Variants in RERE observed in about 807,000 individuals in gnomAD.
RERE encodes the protein arginine-glutamic acid dipeptide repeats, also known as arginine-glutamic acid dipeptide repeats protein.
A neutral mutation model predicts 146.1 loss-of-function variants in RERE; 40 were observed. The observed-to-expected ratio is 0.27, with a 90% CI of 0.21 to 0.36. RERE has a LOEUF of 0.36. Ranked by LOEUF, RERE falls within the 10% of genes least tolerant of loss-of-function variation. RERE has a pLI of 1.00. For missense variants in RERE, 1,933 were observed against 2,138.7 expected, an observed-to-expected ratio of 0.90 and a Z score of 1.90; for synonymous variants, 1,003 against 866.0, an observed-to-expected ratio of 1.16 and a Z score of -2.78.
rs989129422 is a variant in RERE, at chr1:8,354,726, G to A, written c.*361C>T. 3 of 215,850 alleles carry A rather than the reference G, an allele frequency of 1.4e-5. No homozygotes were observed. Among genetic ancestry groups the A allele is most frequent in the South Asian group, 1.5e-4 (1 of 6,548 alleles). The allele number at this position is 215,850 out of a possible 1,614,324, so 13.4% of individuals were successfully genotyped here. A position where few individuals can be genotyped will look rare whatever the true frequency, so the allele number is the denominator to read the frequency against. ...AGCACTCGTGGCGGAGTGTGTCAGTGTGTCTGCACGCACAGTGAAGGGTGT... is the reference window on the plus strand; with the variant it reads ...AGCACTCGTGGCGGAGTGTGTCAGTATGTCTGCACGCACAGTGAAGGGTGT... On this transcript the variant is annotated 3_prime_UTR_variant, in exon 23 of 23. Coordinates refer to ENST00000400908, the MANE Select transcript of RERE (RefSeq NM_001042681.2).
intron 1 of RERE, among the ~76,000 whole-genome samples, chr1:8,724,402 T>C (rs1639918464): frequency 6.6e-6 from 1 of 152,204 alleles, no homozygotes; most frequent in Admixed American, 6.5e-5. Context: ...TGAGTAATAC[T>C]GTCTATATCA....
intron 1 of RERE, among the ~76,000 whole-genome samples, chr1:8,791,447 T>C (rs1641362029): frequency 6.6e-6 from 1 of 152,238 alleles, no homozygotes; most frequent in Non-Finnish European, 1.5e-5. Flanking sequence ...CCTAGCATTA[T>C]ATCTTGCAAG....
intron 1 of RERE, among the ~76,000 whole-genome samples, chr1:8,710,556 T>A (rs1324625223): frequency 2.0e-5 from 3 of 152,220 alleles, no homozygotes. Flanking sequence ...TCTCGCTGTG[T>A]CACCCAGGCT....
At chr1:8,555,343 C>A (rs906891800) in intron 6 of RERE, among the ~76,000 whole-genome samples, 2 of 152,192 alleles carry the variant, frequency 1.3e-5, no homozygotes, top group Admixed American at 1.3e-4. Flanking sequence ...TGCTTTTATG[C>A]CACAATGGCT....
chr1:8,488,969 G>A (rs1402965077), intron 10 of RERE, among the ~76,000 whole-genome samples: 1 of 152,098 alleles, frequency 6.6e-6, no homozygotes, highest in Non-Finnish European at 1.5e-5. Context: ...TGTAATCTTG[G>A]AGTAATCAGA....
intron 3 of RERE, among the ~76,000 whole-genome samples, chr1:8,617,950 G>A (rs1328317801): frequency 6.6e-6 from 1 of 152,092 alleles, no homozygotes; most frequent in East Asian, 1.9e-4. Context: ...AAAGGTAATT[G>A]AGTAGACTTC....
intron 1 of RERE, among the ~76,000 whole-genome samples, chr1:8,708,493 A>G (rs1448020638): frequency 6.6e-6 from 1 of 151,882 alleles, no homozygotes; most frequent in African/African-American, 2.4e-5. Context: ...ACACCCAGTT[A>G]ATTTTCTATT....
intron 1 of RERE, among the ~76,000 whole-genome samples, chr1:8,669,186 C>CA (rs200435197): frequency 2.2e-4 from 33 of 151,432 alleles, no homozygotes; most frequent in African/African-American, 7.6e-4. Flanking sequence ...AATACCCCCC[C>CA]CAACTCGGCC....
At chr1:8,416,387 C>A (rs963323534) in intron 12 of RERE, among the ~76,000 whole-genome samples, 76 of 152,106 alleles carry the variant, frequency 5.0e-4, no homozygotes, top group Admixed American at 3.8e-3. Context: ...AGATCGAGAC[C>A]ATCCTGGTTA....
intron 1 of RERE, among the ~76,000 whole-genome samples, chr1:8,702,528 T>C (rs994186464): frequency 1.3e-5 from 2 of 152,326 alleles, no homozygotes; most frequent in East Asian, 1.9e-4. Flanking sequence ...GCATTTTAGC[T>C]ACTCTGGCAA....
intron 1 of RERE, among the ~76,000 whole-genome samples, chr1:8,794,757 A>G (rs1207371473): frequency 6.6e-6 from 1 of 152,048 alleles, no homozygotes; most frequent in East Asian, 1.9e-4. Context: ...ACAAATAAAA[A>G]AAAAACTGGC....
At position 8,647,637 on chromosome 1, in the gene RERE, A is replaced by ATG. The variant is rs1484554374; in HGVS notation, c.325+8334_325+8335dup. On this transcript the variant is annotated intron_variant, in intron 2 of 22. Transcript: ENST00000400908. ...GATCAAATGAGCTTCTATTTAAAAT[A>ATG]TGTATGTGTGTGTGTGTGTGTGTGT... 5.0e-3 allele frequency among the ~76,000 whole-genome samples: 294 copies of ATG among 59,358 alleles called. 1 individual carries two copies. Among genetic ancestry groups the ATG allele is most frequent in the African/African-American group, 0.014 (237 of 16,670 alleles). The allele number at this position is 59,358 out of a possible 152,430, so 38.9% of individuals were successfully genotyped here.
intron 4 of RERE, among the ~76,000 whole-genome samples, chr1:8,570,894 A>G (rs1212086140): frequency 4.6e-5 from 7 of 152,260 alleles, no homozygotes. Flanking sequence ...TATTATTTAT[A>G]CAACCAAACA....
At chr1:8,705,119 T>C (rs1191914379) in intron 1 of RERE, among the ~76,000 whole-genome samples, 2 of 152,214 alleles carry the variant, frequency 1.3e-5, no homozygotes, top group Admixed American at 1.3e-4. Flanking sequence ...TTCTTTTTTC[T>C]TTTCTACAGA....
Position 8,750,387 on chromosome 1 carries a change from A to T in RERE, c.-145+66773T>A, listed in dbSNP as rs1394039468. The T allele has an allele frequency of 1.6e-5, 11 of 683,398 alleles. No individual in the cohort carries two copies. In the Admixed American group the frequency reaches 2.5e-4, roughly 16 times the overall value. The allele number at this position is 683,398 out of a possible 1,614,324, so 42.3% of individuals were successfully genotyped here. On this transcript the variant is annotated intron_variant, in intron 1 of 22. Coordinates refer to ENST00000400908, the MANE Select transcript of RERE (RefSeq NM_001042681.2). Reference sequence around the variant, plus strand: ...CAACATCTGTGAGTGTCACAAACCCAGTAGTCTTTTAAAAACCAGTAGCCT... The same window carrying T: ...CAACATCTGTGAGTGTCACAAACCCTGTAGTCTTTTAAAAACCAGTAGCCT...
chr1:8,455,152 C>T (rs376378876), intron 11 of RERE, among the ~76,000 whole-genome samples: 9 of 152,272 alleles, frequency 5.9e-5, no homozygotes, highest in Middle Eastern at 3.4e-3. Context: ...GCAGTGGTGA[C>T]GAAGCTGTTC....
chr1:8,661,365 G>T (rs1638453400), intron 1 of RERE, among the ~76,000 whole-genome samples: 1 of 152,158 alleles, frequency 6.6e-6, no homozygotes, highest in African/African-American at 2.4e-5. Context: ...GATCCTGGCA[G>T]GCCTCATGGG....
At chr1:8,687,267 A>T (rs1639111985) in intron 1 of RERE, among the ~76,000 whole-genome samples, 1 of 152,192 alleles carries the variant, frequency 6.6e-6, no homozygotes, top group African/African-American at 2.4e-5. Flanking sequence ...GCTGGTCTAT[A>T]CACAAGCAGT....
At chr1:8,373,077 G>A (rs1007415789) in intron 12 of RERE, among the ~76,000 whole-genome samples, 1 of 152,200 alleles carries the variant, frequency 6.6e-6, no homozygotes, top group African/African-American at 2.4e-5. Flanking sequence ...TTACGTGATG[G>A]GACAGGAGCC....
Sources: allele counts gnomAD v4.1 joint callset (sites outside exome capture counted in the v4.1 genomes callset), GRCh38; gene constraint gnomAD v4.1.1; transcripts MANE v1.5; gene names NCBI Gene and HGNC (gene_info 2026-07-23, HGNC 2026-07-21).